TRPV4: variants seen among roughly 807,000 people sequenced by gnomAD.
TRPV4 encodes OSM9-like transient receptor potential channel 4.
TRPV4 carries 58 observed loss-of-function variants against 84.1 expected under a neutral mutation model. The observed-to-expected ratio is 0.69, with a 90% CI of 0.56 to 0.86. The LOEUF is 0.86. Ranked by LOEUF, TRPV4 falls within the 40% of genes least tolerant of loss-of-function variation. The pLI, the probability that TRPV4 is intolerant of heterozygous loss-of-function variation, is 0.00. For synonymous variants in TRPV4, 489 were observed against 500.9 expected, an observed-to-expected ratio of 0.98 and a Z score of 0.32; for missense variants, 879 against 1,181.1, an observed-to-expected ratio of 0.74 and a Z score of 3.75.
Position 109,786,919 on chromosome 12 carries a change from G to A in TRPV4, c.2209-82C>T, listed in dbSNP as rs567380291. Reference sequence around the variant, plus strand: ...GCTCTGGTGGCAGAAATGAGACAACGGGCCAGGGTGGGCCCAGAACTAGGC... The same window carrying A: ...GCTCTGGTGGCAGAAATGAGACAACAGGCCAGGGTGGGCCCAGAACTAGGC... On this transcript the variant is annotated intron_variant, in intron 13 of 15. Transcript: ENST00000261740. This position sits in a 1 kb window ranked among gnomAD's most constrained non-coding sequence, Gnocchi z 4.5. 2.5e-5 allele frequency: 40 copies of A among 1,589,416 alleles called. No homozygotes were observed. The African/African-American group carries it at 3.4e-4, about 13-fold the overall frequency.
At chr12:109,784,541 A>C in intron 14 of TRPV4, 104 bp from the exon 15 acceptor site, 9 of 1,567,074 alleles carry the variant, frequency 5.7e-6, no homozygotes, top group Non-Finnish European at 7.9e-6. Flanking sequence ...TAACATATAC[A>C]TAACAAGGCT....
At chr12:109,790,505 C>T (rs1232662374) in intron 12 of TRPV4, among the ~76,000 whole-genome samples, 1 of 152,190 alleles carries the variant, frequency 6.6e-6, no homozygotes, top group Non-Finnish European at 1.5e-5. Context: ...AAGAAAATAC[C>T]TGGGCTGCTA....
chr12:109,808,191 T>A, intron 3 of TRPV4, 105 bp downstream of exon 3: 1 of 1,344,400 alleles, frequency 7.4e-7, no homozygotes, highest in Non-Finnish European at 1.0e-6. Context: ...GCCAATGCAG[T>A]CCACCGACCC....
chr12:109,795,101 T>C (rs964824852), intron 7 of TRPV4, among the ~76,000 whole-genome samples: 3 of 152,182 alleles, frequency 2.0e-5, no homozygotes, highest in Admixed American at 2.0e-4. Context: ...GCAAAATAAT[T>C]TATGTAACTT....
At chr12:109,818,872 C>G (rs1162900094) in intron 1 of TRPV4, among the ~76,000 whole-genome samples, 1 of 152,208 alleles carries the variant, frequency 6.6e-6, no homozygotes, top group Non-Finnish European at 1.5e-5. Flanking sequence ...CACCAAGCCC[C>G]TCTCTCATTC....
intron 2 of TRPV4, among the ~76,000 whole-genome samples, chr12:109,813,977 A>T: frequency 6.6e-6 from 1 of 151,718 alleles, no homozygotes; most frequent in East Asian, 2.0e-4. Context: ...AGATGAATGG[A>T]TGGATGATGG....
chr12:109,814,761 G>A lies in TRPV4; in HGVS notation c.36C>T (p.Pro12=), dbSNP rs550200361. The A allele has an allele frequency of 4.4e-5, 69 of 1,563,748 alleles. No individual in the cohort carries two copies. The highest frequency in any genetic ancestry group is 3.1e-4 in the East Asian group (13 of 41,920). The stretch of plus-strand genomic sequence containing the variant: ...CCCCGGGGAGCTCAGCCACCTCCCC[G>A]GGCCCCGCGCGGGGGCCTTCGCTGG... ...ADSSEGPRAG[P]GEVAELPGDE... Residue 12 remains proline (P), a synonymous_variant, in exon 2 of 16, where the codon CCC becomes CCT. Coordinates refer to ENST00000261740, the MANE Select transcript of TRPV4 (RefSeq NM_021625.5). This position sits in a 1 kb window ranked among gnomAD's most constrained non-coding sequence, Gnocchi z 5.4.
chr12:109,832,651 T>A (rs1892443550), intron 1 of TRPV4: 1 of 153,158 alleles, frequency 6.5e-6, no homozygotes, highest in Non-Finnish European at 1.5e-5. Flanking sequence ...AAGCCTCAGT[T>A]TCCCCATCTG....
intron 14 of TRPV4, 57 bp from the exon 15 acceptor site, chr12:109,784,494 A>G: frequency 6.2e-7 from 1 of 1,613,472 alleles, no homozygotes; most frequent in Non-Finnish European, 8.5e-7. Context: ...TCTCCATGCC[A>G]CCATCCCCAG....
chr12:109,817,284 G>A (rs763903493), intron 1 of TRPV4, among the ~76,000 whole-genome samples: 6 of 152,106 alleles, frequency 3.9e-5, no homozygotes, highest in Admixed American at 3.3e-4. Context: ...CCTCACTGGG[G>A]GCCCTGAGGT....
intron 4 of TRPV4, among the ~76,000 whole-genome samples, chr12:109,802,362 C>T (rs1250511450): frequency 4.7e-5 from 7 of 149,470 alleles, no homozygotes; most frequent in East Asian, 2.0e-4. Context: ...AGTGCAATGG[C>T]GCGATATTGG....
At chr12:109,807,337 A>T (rs1274631207) in intron 3 of TRPV4, among the ~76,000 whole-genome samples, 2 of 150,508 alleles carry the variant, frequency 1.3e-5, no homozygotes, top group Non-Finnish European at 3.0e-5. Flanking sequence ...TAGGCTGTAG[A>T]CCAACCATGG....
At chr12:109,823,770 T>C (rs1892174853) in intron 1 of TRPV4, among the ~76,000 whole-genome samples, 1 of 152,066 alleles carries the variant, frequency 6.6e-6, no homozygotes, top group South Asian at 2.1e-4. Context: ...ACCAACTGAA[T>C]TGTACGTTTT....
chr12:109,808,513 G>A (rs377208769), intron 2 of TRPV4, 45 bp from the exon 3 acceptor site: 168 of 1,578,816 alleles, frequency 1.1e-4, no homozygotes, highest in Non-Finnish European at 1.2e-4. Flanking sequence ...CTCATCCCCT[G>A]CCTGCCCCAC....
chr12:109,823,958 TGTGC>T (rs1255625927), intron 1 of TRPV4, among the ~76,000 whole-genome samples: 1 of 151,642 alleles, frequency 6.6e-6, no homozygotes, highest in Non-Finnish European at 1.5e-5. Context: ...TGTGTGTGTG[TGTGC>T]GCATGTGTGT....
rs192056615 is a variant in TRPV4, at chr12:109,788,272, G to T, written c.2208+128C>A. On this transcript the variant is annotated intron_variant, in intron 13 of 15. Coordinates refer to ENST00000261740, the MANE Select transcript of TRPV4 (RefSeq NM_021625.5). ...GCCTCTGATGCCCATTTTACCGACA[G>T]AGAAGTGGAGGGAGAATGAGAAGAC... is the stretch of plus-strand genomic sequence containing the variant. 2.4e-3 allele frequency: 2,230 copies of T among 930,804 alleles called. 3 individuals are homozygous for T. The highest frequency in any genetic ancestry group is 3.2e-3 in the Non-Finnish European group (1,989 of 616,438). 57.7% of individuals were successfully genotyped at this position (930,804 alleles called of 1,614,324 possible).
chr12:109,808,578 T>C lies in TRPV4; in HGVS notation c.387-110A>G, dbSNP rs3742031. On this transcript the variant is annotated intron_variant, in intron 2 of 15. Coordinates refer to ENST00000261740, the MANE Select transcript of TRPV4 (RefSeq NM_021625.5). ...TGGTGGCGGGCAGGCAGCTGAAGCC[T>C]TACAAGGAACAGGGTGAGGTAGTTG... The C allele has an allele frequency of 0.29, 304,704 of 1,051,772 alleles. 48,592 individuals are homozygous for C. The highest frequency in any genetic ancestry group is 0.69 in the East Asian group (26,950 of 38,942). The allele number at this position is 1,051,772 out of a possible 1,614,324, so 65.2% of individuals were successfully genotyped here. A position where few individuals can be genotyped will look rare whatever the true frequency, so the allele number is the denominator to read the frequency against.
At chr12:109,801,829 CAAAAAA>C (rs1485049147) in intron 4 of TRPV4, among the ~76,000 whole-genome samples, 1 of 151,346 alleles carries the variant, frequency 6.6e-6, no homozygotes, top group Non-Finnish European at 1.5e-5. Flanking sequence ...GACCTTGTCT[CAAAAAA>C]AAGAAAACTC....
Position 109,793,643 on chromosome 12 carries a change from G to GGAGAGGAGAGGAGGA in TRPV4, c.1585-58_1585-44dup. The GGAGAGGAGAGGAGGA allele has an allele frequency of 6.7e-7, 1 of 1,484,284 alleles. No homozygotes were observed. The highest frequency in any genetic ancestry group is 9.4e-7 in the Non-Finnish European group (1 of 1,062,032). 91.9% of individuals were successfully genotyped at this position (1,484,284 alleles called of 1,614,324 possible). On this transcript the variant is annotated intron_variant, in intron 9 of 15. Coordinates refer to ENST00000261740, the MANE Select transcript of TRPV4 (RefSeq NM_021625.5). The surrounding 1 kb of genome is among the most constrained non-coding windows in gnomAD (Gnocchi z 4.0). ...GCACGTGAAAGGGGTGGGGCCAGCA[G>GGAGAGGAGAGGAGGA]GAGAGGAGAGGAGGAGAGAGGAGAC...
Sources: allele counts gnomAD v4.1 joint callset (sites outside exome capture counted in the v4.1 genomes callset), GRCh38; gene constraint gnomAD v4.1.1; non-coding constraint Gnocchi (gnomAD v3.1); transcripts MANE v1.5; gene names NCBI Gene and HGNC (gene_info 2026-07-23, HGNC 2026-07-21).